ANKS1B: variants seen among roughly 807,000 people sequenced by gnomAD.
ANKS1B encodes the protein ankyrin repeat and sterile alpha motif domain containing 1B.
A neutral mutation model predicts 148.3 loss-of-function variants in ANKS1B; 36 were observed. The observed-to-expected ratio is 0.24, with a 90% confidence interval of 0.19 to 0.32. The LOEUF (loss-of-function observed/expected upper bound fraction) is 0.32, where lower values mean the gene tolerates loss of function less well. Ranked by LOEUF, ANKS1B falls within the 10% of genes least tolerant of loss-of-function variation. The pLI, the probability that ANKS1B is intolerant of heterozygous loss-of-function variation, is 1.00. For synonymous variants in ANKS1B, 542 were observed against 560.8 expected (o/e 0.97, Z 0.47); for missense variants, 1,157 against 1,542.6 (o/e 0.75, Z 4.19).
intron 9 of ANKS1B, among the ~76,000 whole-genome samples, chr12:99,547,409 T>TA (rs1191284937): frequency 6.6e-6 from 1 of 152,018 alleles, no homozygotes; most frequent in Non-Finnish European, 1.5e-5. Flanking sequence ...CCCTAATTCA[T>TA]AAAAAAGAAA....
chr12:99,524,824 T>C (rs960276879), intron 9 of ANKS1B, among the ~76,000 whole-genome samples: 8 of 152,124 alleles, frequency 5.3e-5, no homozygotes, highest in Non-Finnish European at 1.2e-4. Flanking sequence ...GAGAACAGTA[T>C]TGGGGAACTG....
chr12:99,264,686 GCTCTTT>G (rs1303463516), intron 12 of ANKS1B, among the ~76,000 whole-genome samples: 1 of 152,108 alleles, frequency 6.6e-6, no homozygotes, highest in African/African-American at 2.4e-5. Context: ...AATGTCTCCA[GCTCTTT>G]CTCTATTTGC....
chr12:99,210,979 C>A (rs1011547562), intron 14 of ANKS1B, among the ~76,000 whole-genome samples: 4 of 152,186 alleles, frequency 2.6e-5, no homozygotes, highest in Admixed American at 6.5e-5. Context: ...GTGTATAACA[C>A]TAATCACGGT....
chr12:98,933,530 G>A (rs962818939), intron 17 of ANKS1B, among the ~76,000 whole-genome samples: 1 of 152,030 alleles, frequency 6.6e-6, no homozygotes, highest in Non-Finnish European at 1.5e-5. Context: ...GTAGATTGCT[G>A]GATCATGTGG....
rs546345314 is a variant in ANKS1B at position 99,188,975 on chromosome 12, A to G, written c.2420-34580T>C. Among the ~76,000 whole-genome samples the G allele has an allele frequency of 6.6e-5, 10 of 152,326 alleles. No homozygotes were observed. In the East Asian group the frequency reaches 1.9e-3, roughly 29 times the overall value. On this transcript the variant is annotated intron_variant, in intron 14 of 26. Transcript: ENST00000683438. ...CTAATAAAGAAGAAAAGAGAGAATAATCAAATAGACGCAATAAAAAATGAT... is the reference window on the plus strand; with the variant it reads ...CTAATAAAGAAGAAAAGAGAGAATAGTCAAATAGACGCAATAAAAAATGAT...
intron 12 of ANKS1B, among the ~76,000 whole-genome samples, chr12:99,350,858 G>A (rs2091332654): frequency 6.6e-6 from 1 of 152,030 alleles, no homozygotes; most frequent in South Asian, 2.1e-4. Context: ...CTTTCTGAAT[G>A]CATTCAGCTA....
intron 12 of ANKS1B, among the ~76,000 whole-genome samples, chr12:99,358,043 T>G (rs1371773836): frequency 1.3e-5 from 2 of 152,110 alleles, no homozygotes; most frequent in Non-Finnish European, 2.9e-5. Flanking sequence ...AATTTTCTAC[T>G]AACATAAGGA....
chr12:99,012,180 T>TA (rs770380202), intron 17 of ANKS1B, among the ~76,000 whole-genome samples: 3 of 152,210 alleles, frequency 2.0e-5, no homozygotes, highest in Non-Finnish European at 4.4e-5. Context: ...TGTTCTCTAA[T>TA]AAAATCTTGT....
At chr12:99,103,493 C>T (rs1455561785) in intron 15 of ANKS1B, among the ~76,000 whole-genome samples, 1 of 152,192 alleles carries the variant, frequency 6.6e-6, no homozygotes, top group Non-Finnish European at 1.5e-5. Flanking sequence ...ATTGATATCC[C>T]TTATCTATGT....
chr12:99,609,675 T>C (rs1460767811), intron 9 of ANKS1B, among the ~76,000 whole-genome samples: 1 of 151,798 alleles, frequency 6.6e-6, no homozygotes, highest in Non-Finnish European at 1.5e-5. Context: ...GGGGATATTC[T>C]CACAAGTCTT....
intron 14 of ANKS1B, among the ~76,000 whole-genome samples, chr12:99,214,065 T>C (rs1251607196): frequency 6.6e-6 from 1 of 152,106 alleles, no homozygotes; most frequent in East Asian, 1.9e-4. Context: ...TTAGAAAAAT[T>C]TGAACCAATT....
chr12:99,034,576 A>G (rs143531377), intron 17 of ANKS1B, among the ~76,000 whole-genome samples: 197 of 152,326 alleles, frequency 1.3e-3, no homozygotes, highest in Middle Eastern at 3.4e-3. Context: ...TTGGCCTCCC[A>G]AAGTGCTGGG....
chr12:99,078,671 A>C (rs2048629153), intron 16 of ANKS1B, among the ~76,000 whole-genome samples: 2 of 152,160 alleles, frequency 1.3e-5, no homozygotes, highest in African/African-American at 2.4e-5. Context: ...TTTAACTACA[A>C]ATGTGGACAA....
chr12:99,971,441 A>G (rs2095556844), intron 1 of ANKS1B, among the ~76,000 whole-genome samples: 1 of 152,246 alleles, frequency 6.6e-6, no homozygotes, highest in Non-Finnish European at 1.5e-5. Flanking sequence ...AAATATCTAT[A>G]TAAAACAGAG....
At chr12:99,669,933 T>C (rs2098528570) in intron 8 of ANKS1B, among the ~76,000 whole-genome samples, 1 of 152,108 alleles carries the variant, frequency 6.6e-6, no homozygotes, top group Non-Finnish European at 1.5e-5. Flanking sequence ...AGGGTTTGCC[T>C]CCTTTGTATC....
chr12:99,150,619 T>A (rs1386518820), intron 15 of ANKS1B, among the ~76,000 whole-genome samples: 1 of 152,020 alleles, frequency 6.6e-6, no homozygotes, highest in African/African-American at 2.4e-5. Flanking sequence ...TAGGAAGCAG[T>A]CATTAGACTT....
intron 1 of ANKS1B, among the ~76,000 whole-genome samples, chr12:99,875,489 G>A (rs1197980506): frequency 6.6e-6 from 1 of 151,952 alleles, no homozygotes; most frequent in Non-Finnish European, 1.5e-5. Context: ...AAGTTGCTGA[G>A]ACTTAGAAGA....
At chr12:98,863,866 G>T (rs1003256908) in intron 17 of ANKS1B, among the ~76,000 whole-genome samples, 1 of 152,152 alleles carries the variant, frequency 6.6e-6, no homozygotes, top group Non-Finnish European at 1.5e-5. Context: ...CCGTGATGTC[G>T]ATGATATAAC....
intron 16 of ANKS1B, among the ~76,000 whole-genome samples, chr12:99,075,560 A>G (rs1251046106): frequency 6.6e-6 from 1 of 152,174 alleles, no homozygotes; most frequent in Non-Finnish European, 1.5e-5. Context: ...TCACTTCAAC[A>G]TTTATATAGC....
Sources: gnomAD v4.1 joint callset for allele counts (sites outside exome capture counted in the v4.1 genomes callset) on GRCh38, gnomAD v4.1.1 for gene constraint, MANE v1.5 for transcripts, NCBI Gene and HGNC (gene_info 2026-07-23, HGNC 2026-07-21) for gene names.